Variants in ADCY8 observed in about 807,000 individuals in gnomAD.
ADCY8 encodes adenylate cyclase type 8.
A neutral mutation model predicts 119.7 loss-of-function variants in ADCY8; 51 were observed. The observed-to-expected ratio is 0.43, with a 90% confidence interval of 0.34 to 0.54. The LOEUF is 0.54. Among genes scored for constraint, ADCY8 ranks in the 20% least tolerant of loss-of-function variants. The probability of loss-of-function intolerance (pLI) is 0.03; values close to 1 mark genes in which losing one functional copy is unlikely to be tolerated. For missense variants in ADCY8, 1,383 were observed against 1,598.8 expected (o/e 0.87, Z 2.30); for synonymous variants, 665 against 651.0 (o/e 1.02, Z -0.33).
In ADCY8 at chr8:130,846,488, C is replaced by T. The variant is rs551068081; in HGVS notation, c.2502+936G>A. On this transcript the variant is annotated intron_variant, in intron 11 of 17. Transcript: ENST00000286355. ...TCTAATTTTCTGCCTTTGTAATTCC[C>T]TTCCTCCCTCTCTTCCTTCTTCCCT... is the stretch of plus-strand genomic sequence containing the variant. Among the ~76,000 whole-genome samples the T allele has an allele frequency of 5.9e-5, 9 of 151,872 alleles. No homozygotes were observed. The South Asian group carries it at 1.0e-3, about 18-fold the overall frequency.
At chr8:130,876,359 T>G (rs1232663530) in intron 8 of ADCY8, among the ~76,000 whole-genome samples, 1 of 152,092 alleles carries the variant, frequency 6.6e-6, no homozygotes, top group South Asian at 2.1e-4. Context: ...CCGGGTTTGA[T>G]TGTTCTGGGA....
At chr8:131,024,065 C>G (rs1343691526) in intron 1 of ADCY8, among the ~76,000 whole-genome samples, 1 of 152,160 alleles carries the variant, frequency 6.6e-6, no homozygotes, top group Non-Finnish European at 1.5e-5. Context: ...TCTCATCCTG[C>G]AGTGTAGTTC....
At chr8:130,859,637 T>A (rs1477425893) in intron 9 of ADCY8, among the ~76,000 whole-genome samples, 1 of 152,200 alleles carries the variant, frequency 6.6e-6, no homozygotes, top group Non-Finnish European at 1.5e-5. Context: ...TGGGATCCCC[T>A]AAACTCCTAA....
intron 15 of ADCY8, among the ~76,000 whole-genome samples, chr8:130,793,846 G>A (rs961152561): frequency 2.0e-5 from 3 of 152,140 alleles, no homozygotes; most frequent in African/African-American, 4.8e-5. Flanking sequence ...TTCTAAAAAG[G>A]GTGTGAATAC....
intron 2 of ADCY8, among the ~76,000 whole-genome samples, chr8:130,960,958 T>G (rs1382739622): frequency 3.9e-5 from 6 of 152,176 alleles, no homozygotes; most frequent in African/African-American, 1.2e-4. Flanking sequence ...CTTACCGAAT[T>G]TAAACCCTGC....
chr8:130,838,280 A>G (rs1586466536), intron 11 of ADCY8, among the ~76,000 whole-genome samples: 1 of 152,342 alleles, frequency 6.6e-6, no homozygotes, highest in Non-Finnish European at 1.5e-5. Context: ...CCTTGCCATT[A>G]GGAGCCTAGT....
chr8:130,930,350 C>T (rs1454759662), intron 5 of ADCY8, among the ~76,000 whole-genome samples: 2 of 151,628 alleles, frequency 1.3e-5, no homozygotes, highest in Admixed American at 1.3e-4. Flanking sequence ...ATCCCAAGTT[C>T]ACGCCATTCT....
At chr8:131,010,100 A>G (rs1051636049) in intron 1 of ADCY8, among the ~76,000 whole-genome samples, 1 of 152,242 alleles carries the variant, frequency 6.6e-6, no homozygotes, top group African/African-American at 2.4e-5. Flanking sequence ...CAAGAATTAC[A>G]TATTTACAAT....
intron 1 of ADCY8, among the ~76,000 whole-genome samples, chr8:130,996,919 T>C (rs1339070249): frequency 1.3e-5 from 2 of 152,192 alleles, no homozygotes; most frequent in Non-Finnish European, 2.9e-5. Context: ...TTTGACCCAC[T>C]GACCCAACCT....
intron 7 of ADCY8, among the ~76,000 whole-genome samples, chr8:130,899,500 A>G (rs1819523795): frequency 6.6e-6 from 1 of 152,076 alleles, no homozygotes; most frequent in East Asian, 1.9e-4. Flanking sequence ...CAGCTACTTA[A>G]GAGGCTGAGT....
chr8:130,954,929 A>T (rs1208483768), intron 2 of ADCY8, among the ~76,000 whole-genome samples: 1 of 152,216 alleles, frequency 6.6e-6, no homozygotes, highest in Non-Finnish European at 1.5e-5. Flanking sequence ...GGAAAGAACC[A>T]TTGTTCATTA....
intron 17 of ADCY8, 145 bp from the exon 18 acceptor site, chr8:130,781,022 T>G: frequency 9.3e-7 from 1 of 1,070,054 alleles, no homozygotes; most frequent in Non-Finnish European, 1.4e-6. Context: ...AGTCACTTAT[T>G]AGATGTATCA....
intron 15 of ADCY8, among the ~76,000 whole-genome samples, chr8:130,793,699 C>T (rs1405712497): frequency 1.3e-5 from 2 of 152,200 alleles, no homozygotes; most frequent in Non-Finnish European, 2.9e-5. Flanking sequence ...GTCACATGGA[C>T]TTCATATTCG....
intron 12 of ADCY8, among the ~76,000 whole-genome samples, chr8:130,831,079 A>G (rs1816820329): frequency 6.6e-6 from 1 of 152,248 alleles, no homozygotes; most frequent in Admixed American, 6.5e-5. Context: ...AATGTGAAGT[A>G]TGACACAAAT....
At chr8:131,007,857 C>T (rs1823172240) in intron 1 of ADCY8, among the ~76,000 whole-genome samples, 1 of 152,022 alleles carries the variant, frequency 6.6e-6, no homozygotes, top group Non-Finnish European at 1.5e-5. Flanking sequence ...TAGACATGCA[C>T]TTACTGCATA....
chr8:130,846,894 T>TCCTC (rs1563689872), intron 11 of ADCY8, among the ~76,000 whole-genome samples: 1 of 50,694 alleles, frequency 2.0e-5, no homozygotes, highest in African/African-American at 6.8e-5. Context: ...TCCCTTTCCT[T>TCCTC]CCTTCCTTCC....
At chr8:130,837,410 A>G (rs2130264678) in intron 11 of ADCY8, among the ~76,000 whole-genome samples, 1 of 152,316 alleles carries the variant, frequency 6.6e-6, no homozygotes, top group Admixed American at 6.5e-5. Flanking sequence ...ATGTCAGCTT[A>G]GGTGTTCTCT....
At chr8:130,908,771 C>A (rs1234625776) in intron 6 of ADCY8, among the ~76,000 whole-genome samples, 1 of 152,160 alleles carries the variant, frequency 6.6e-6, no homozygotes, top group East Asian at 1.9e-4. Context: ...AGGTGCTGTG[C>A]ATGCTTTACA....
intron 7 of ADCY8, among the ~76,000 whole-genome samples, chr8:130,895,488 G>A (rs952149412): frequency 2.6e-5 from 4 of 152,108 alleles, no homozygotes; most frequent in African/African-American, 9.7e-5. Flanking sequence ...CAAAGCAAAT[G>A]GATCCAATTG....
Sources: gnomAD v4.1 joint callset for allele counts (sites outside exome capture counted in the v4.1 genomes callset) on GRCh38, gnomAD v4.1.1 for gene constraint, MANE v1.5 for transcripts, NCBI Gene and HGNC (gene_info 2026-07-23, HGNC 2026-07-21) for gene names.